Variants in CTNNA3 observed in about 807,000 individuals in gnomAD.
CTNNA3 encodes catenin alpha-3.
In CTNNA3, 76 loss-of-function variants were observed where a neutral mutation model predicts 95.7. The ratio of observed to expected loss-of-function variants is 0.79; its 90% confidence interval spans 0.66 to 0.96. CTNNA3 has a LOEUF of 0.96. CTNNA3 is among the 40% of genes least tolerant of loss of function. The pLI is 0.00. For synonymous variants in CTNNA3, 431 were observed against 374.4 expected, an observed-to-expected ratio of 1.15 and a Z score of -1.74; for missense variants, 1,191 against 1,089.8, an observed-to-expected ratio of 1.09 and a Z score of -1.31.
chr10:67,577,492 TG>T (rs1329392493), intron 3 of CTNNA3, among the ~76,000 whole-genome samples: 1 of 152,148 alleles, frequency 6.6e-6, no homozygotes, highest in Non-Finnish European at 1.5e-5. Context: ...TTCACTCTGA[TG>T]GTAGTTTCTT....
intron 7 of CTNNA3, among the ~76,000 whole-genome samples, chr10:67,174,222 A>C (rs1564942412): frequency 6.6e-6 from 1 of 152,172 alleles, no homozygotes. Flanking sequence ...AGCTTTTCTT[A>C]CTAGTTCCGC....
At chr10:66,533,998 T>C (rs929224654) in intron 10 of CTNNA3, among the ~76,000 whole-genome samples, 4 of 152,162 alleles carry the variant, frequency 2.6e-5, no homozygotes, top group South Asian at 4.2e-4. Context: ...CTAAAGTGCA[T>C]ATTCAACAGC....
At chr10:67,556,660 T>G (rs1366736443) in intron 3 of CTNNA3, among the ~76,000 whole-genome samples, 1 of 152,214 alleles carries the variant, frequency 6.6e-6, no homozygotes, top group Admixed American at 6.5e-5. Flanking sequence ...TCTTTATTAG[T>G]CTTCATAGCA....
intron 7 of CTNNA3, among the ~76,000 whole-genome samples, chr10:67,049,872 T>A (rs1490589793): frequency 1.3e-5 from 2 of 152,212 alleles, no homozygotes; most frequent in Non-Finnish European, 2.9e-5. Context: ...ACATTTTGTA[T>A]TAGCCTATGT....
chr10:67,302,006 A>AGAACGAAAGAACGAAAGAACGAAAGAAC lies in CTNNA3; in HGVS notation c.580-82137_580-82136insGTTCTTTCGTTCTTTCGTTCTTTCGTTC, dbSNP rs1491553766. ...AAGAAAGAAAGAACGAAAGAACGAAAGAAAGAAAGAAAGAAAGAAAGAAAG... is the reference window on the plus strand; with the variant it reads ...AAGAAAGAAAGAACGAAAGAACGAAAGAACGAAAGAACGAAAGAACGAAAGAACGAAAGAAAGAAAGAAAGAAAGAAAG... On this transcript the variant is annotated intron_variant, in intron 5 of 17. Coordinates refer to ENST00000433211, the MANE Select transcript of CTNNA3 (RefSeq NM_013266.4). Among the ~76,000 whole-genome samples, 2 of 13,216 alleles carry AGAACGAAAGAACGAAAGAACGAAAGAAC rather than the reference A, an allele frequency of 1.5e-4. 1 individual carries two copies. Among genetic ancestry groups the AGAACGAAAGAACGAAAGAACGAAAGAAC allele is most frequent in the African/African-American group, 1.4e-3 (2 of 1,438 alleles). 8.7% of individuals were successfully genotyped at this position (13,216 alleles called of 152,430 possible).
chr10:67,531,218 C>A (rs1423035994), intron 4 of CTNNA3, among the ~76,000 whole-genome samples: 2 of 152,122 alleles, frequency 1.3e-5, no homozygotes, highest in African/African-American at 4.8e-5. Flanking sequence ...GGCCACTGTC[C>A]TCCAGAACCA....
Position 66,927,980 on chromosome 10 carries a change from TGAA to T in CTNNA3, c.1048-152459_1048-152457del, listed in dbSNP as rs1230499187. On this transcript the variant is annotated intron_variant, in intron 7 of 17. Coordinates refer to ENST00000433211, the MANE Select transcript of CTNNA3 (RefSeq NM_013266.4). This position sits in a 1 kb window ranked among gnomAD's most constrained non-coding sequence, Gnocchi z 4.7. ...CAAGGAGTAAATGTGATCGATGCAG[TGAA>T]GAACTACAGCATCTGTGGCAAAAGT... The T allele has an allele frequency of 1.2e-6, 2 of 1,614,098 alleles. No homozygotes were observed. The highest frequency in any genetic ancestry group is 1.7e-6 in the Non-Finnish European group (2 of 1,180,036).
At chr10:67,161,483 G>A (rs1481148437) in intron 7 of CTNNA3, among the ~76,000 whole-genome samples, 2 of 151,582 alleles carry the variant, frequency 1.3e-5, no homozygotes, top group East Asian at 3.9e-4. Context: ...ATAATTATGT[G>A]TATATAATGC....
At chr10:67,681,257 T>C (rs1840620906) in intron 1 of CTNNA3, among the ~76,000 whole-genome samples, 1 of 152,180 alleles carries the variant, frequency 6.6e-6, no homozygotes, top group Non-Finnish European at 1.5e-5. Flanking sequence ...AGAAGGATTA[T>C]TCCTTCCAGT....
chr10:66,613,877 T>C (rs959422685), intron 10 of CTNNA3, among the ~76,000 whole-genome samples: 51 of 152,184 alleles, frequency 3.4e-4, no homozygotes, highest in African/African-American at 1.2e-3. Context: ...TATTGTTTAG[T>C]TGCAAACAAA....
intron 17 of CTNNA3, among the ~76,000 whole-genome samples, chr10:65,962,202 C>A (rs772882754): frequency 6.6e-6 from 1 of 152,066 alleles, no homozygotes; most frequent in Non-Finnish European, 1.5e-5. Context: ...CTCTTTCATA[C>A]CTCTTTCCTA....
intron 13 of CTNNA3, among the ~76,000 whole-genome samples, chr10:66,174,159 A>G (rs1348846758): frequency 3.9e-5 from 6 of 152,196 alleles, no homozygotes; most frequent in Non-Finnish European, 2.9e-5. Flanking sequence ...AAGCTCACAC[A>G]GCTAGAAAAA....
rs2079285388 is a variant in CTNNA3, at chr10:66,024,090, T to TTTTTTTTTTTTTTTC, written c.2160-35294_2160-35293insGAAAAAAAAAAAAAA. Among the ~76,000 whole-genome samples the TTTTTTTTTTTTTTTC allele has an allele frequency of 5.3e-5, 7 of 131,500 alleles. 1 individual carries two copies. Among genetic ancestry groups the TTTTTTTTTTTTTTTC allele is most frequent in the African/African-American group, 2.0e-4 (7 of 34,400 alleles). 86.3% of individuals were successfully genotyped at this position (131,500 alleles called of 152,430 possible). On this transcript the variant is annotated intron_variant, in intron 15 of 17. Coordinates refer to ENST00000433211, the MANE Select transcript of CTNNA3 (RefSeq NM_013266.4). ...CAGAAACTTATACCATACACATTTT[T>TTTTTTTTTTTTTTTC]TTTTTTTTTTTTTTTTTGAGACGGA...
rs182883725 is a variant in CTNNA3 at position 67,374,566 on chromosome 10, G to A, written c.579+147276C>T. Among the ~76,000 whole-genome samples, 483 of 152,160 alleles carry A rather than the reference G, an allele frequency of 3.2e-3. 5 individuals are homozygous for A. Among genetic ancestry groups the A allele is most frequent in the African/African-American group, 0.011 (462 of 41,524 alleles). The stretch of plus-strand genomic sequence containing the variant: ...GGCTATATGATACTGTATCTCTAAT[G>A]AGACTTTTTTGCTTTAAATCCACTG... On this transcript the variant is annotated intron_variant, in intron 5 of 17. Transcript: ENST00000433211.
At chr10:66,100,248 C>T (rs1044052032) in intron 14 of CTNNA3, among the ~76,000 whole-genome samples, 1 of 152,034 alleles carries the variant, frequency 6.6e-6, no homozygotes, top group African/African-American at 2.4e-5. Context: ...CCAAATTGTC[C>T]ATCTTAGAAA....
intron 12 of CTNNA3, among the ~76,000 whole-genome samples, chr10:66,360,644 TTTCTTTCTTTCTTTCTTCCTTCCTTCC>T (rs2092651416): frequency 1.6e-5 from 1 of 62,636 alleles, no homozygotes; most frequent in African/African-American, 6.0e-5. Flanking sequence ...TCTTTCTTTC[TTTCTTTCTTTCTTTCTTCCTTCCTTCC>T]TTCCTTCCTT....
intron 12 of CTNNA3, among the ~76,000 whole-genome samples, chr10:66,292,538 C>A (rs1455672723): frequency 1.3e-5 from 2 of 152,106 alleles, no homozygotes; most frequent in Non-Finnish European, 2.9e-5. Flanking sequence ...TGTTCCTATT[C>A]ACTAAAGTTC....
chr10:67,239,084 G>A (rs574383046), intron 5 of CTNNA3, among the ~76,000 whole-genome samples: 1 of 152,278 alleles, frequency 6.6e-6, no homozygotes, highest in African/African-American at 2.4e-5. Context: ...GAAAGCTGAA[G>A]AGCAAAATTA....
chr10:67,148,425 GATC>G (rs1194746602), intron 7 of CTNNA3, among the ~76,000 whole-genome samples: 1 of 152,160 alleles, frequency 6.6e-6, no homozygotes, highest in Non-Finnish European at 1.5e-5. Flanking sequence ...GAAGTAATAT[GATC>G]ATCTAGGTAC....
Sources: gnomAD v4.1 joint callset for allele counts (sites outside exome capture counted in the v4.1 genomes callset) on GRCh38, gnomAD v4.1.1 for gene constraint, Gnocchi (gnomAD v3.1) non-coding constraint, MANE v1.5 for transcripts, NCBI Gene and HGNC (gene_info 2026-07-23, HGNC 2026-07-21) for gene names.